The following CSMD1 variants were observed in gnomAD, a reference collection of about 807,000 sequenced individuals.
CSMD1 encodes the protein CUB and Sushi multiple domains 1.
Under a neutral mutation model 417.5 loss-of-function variants are expected in CSMD1, and 213 were observed. That is an observed-to-expected ratio of 0.51 (90% CI 0.46 to 0.57). The LOEUF (loss-of-function observed/expected upper bound fraction) is 0.57. Ranked by LOEUF, CSMD1 falls within the 20% of genes least tolerant of loss-of-function variation. The probability of loss-of-function intolerance (pLI) is 0.00; values close to 1 mark genes in which losing one functional copy is unlikely to be tolerated. For missense variants in CSMD1, 6,923 were observed against 4,529.7 expected (o/e 1.53, Z -15.17); for synonymous variants, 2,862 against 1,736.8 (o/e 1.65, Z -16.11).
At chr8:4,315,103 G>A (rs10112765) in intron 3 of CSMD1, among the ~76,000 whole-genome samples, 41,179 of 151,926 alleles carry the variant, frequency 0.27, 6,530 homozygotes, top group African/African-American at 0.45. Flanking sequence ...AAGAGGACAG[G>A]GCTTCTTACA....
Position 4,276,541 on chromosome 8 carries a change from C to T in CSMD1, c.415+143412G>A, listed in dbSNP as rs138315145. ...AACCACCATGGCACATGTTTAACTA[C>T]GTAACAAACCTGCACGTTCTGCACA... On this transcript the variant is annotated intron_variant, in intron 3 of 69. Coordinates refer to ENST00000635120, the MANE Select transcript of CSMD1 (RefSeq NM_033225.6). Among the ~76,000 whole-genome samples the T allele has an allele frequency of 9.1e-3, 1,383 of 152,048 alleles. 21 individuals are homozygous for T. Among genetic ancestry groups the T allele is most frequent in the African/African-American group, 0.031 (1,300 of 41,458 alleles).
chr8:4,004,884 A>G (rs1400372303), intron 4 of CSMD1, among the ~76,000 whole-genome samples: 1 of 152,058 alleles, frequency 6.6e-6, no homozygotes, highest in Non-Finnish European at 1.5e-5. Context: ...AGCTGGGACT[A>G]CAGGCGCCCG....
At chr8:4,042,815 TA>T (rs60411612) in intron 3 of CSMD1, among the ~76,000 whole-genome samples, 477 of 41,260 alleles carry the variant, frequency 0.012, 4 homozygotes, top group African/African-American at 0.032. Flanking sequence ...TACAACATAT[TA>T]AAAAAAAAAA....
chr8:4,646,890 T>C (rs1420422752), intron 1 of CSMD1, among the ~76,000 whole-genome samples: 1 of 152,170 alleles, frequency 6.6e-6, no homozygotes, highest in Non-Finnish European at 1.5e-5. Flanking sequence ...CATGACAAAT[T>C]ATGAGCAGAT....
intron 3 of CSMD1, among the ~76,000 whole-genome samples, chr8:4,309,236 C>G (rs998067695): frequency 2.0e-5 from 3 of 151,904 alleles, no homozygotes; most frequent in African/African-American, 7.3e-5. Context: ...AGTGCAAGAC[C>G]CATAATTTTA....
chr8:4,141,618 C>G (rs1388336361), intron 3 of CSMD1, among the ~76,000 whole-genome samples: 1 of 150,440 alleles, frequency 6.6e-6, no homozygotes. Flanking sequence ...GATTCCTCCA[C>G]TATATTTTCA....
chr8:4,773,029 G>A (rs927390720), intron 1 of CSMD1, among the ~76,000 whole-genome samples: 11 of 152,118 alleles, frequency 7.2e-5, no homozygotes, highest in African/African-American at 2.4e-4. Context: ...TGCTCATACA[G>A]GTTGAATATC....
intron 3 of CSMD1, among the ~76,000 whole-genome samples, chr8:4,213,210 G>T: frequency 6.6e-6 from 1 of 152,118 alleles, no homozygotes; most frequent in East Asian, 1.9e-4. Context: ...TTTCACTAAT[G>T]GGTACTTGTT....
rs1024745284 is a variant in CSMD1, at chr8:4,267,271, T to C, written c.415+152682A>G. On this transcript the variant is annotated intron_variant, in intron 3 of 69. Transcript: ENST00000635120. ...AAGTTGCTACTTAGAAAATATATCA[T>C]GTTTTAATATGTATTAGCTATAACC... is the stretch of plus-strand genomic sequence containing the variant. Among the ~76,000 whole-genome samples, 11 of 103,580 alleles carry C rather than the reference T, an allele frequency of 1.1e-4. 2 individuals are homozygous for C. Among genetic ancestry groups the C allele is most frequent in the African/African-American group, 2.9e-4 (11 of 38,312 alleles). The allele number at this position is 103,580 out of a possible 152,430, so 68.0% of individuals were successfully genotyped here.
intron 15 of CSMD1, among the ~76,000 whole-genome samples, chr8:3,400,720 T>C (rs928997206): frequency 7.2e-5 from 11 of 151,868 alleles, no homozygotes; most frequent in African/African-American, 2.7e-4. Flanking sequence ...AGAAAAATTT[T>C]ATTCAGTGAA....
intron 25 of CSMD1, among the ~76,000 whole-genome samples, chr8:3,295,178 G>A (rs11774703): frequency 0.49 from 75,128 of 151,804 alleles, 20,894 homozygotes; most frequent in South Asian, 0.63. Flanking sequence ...AGGTTGGAGT[G>A]CAGTGGTGTG....
chr8:3,961,992 T>A (rs1260423661), intron 5 of CSMD1, among the ~76,000 whole-genome samples: 3 of 152,180 alleles, frequency 2.0e-5, no homozygotes, highest in African/African-American at 7.2e-5. Flanking sequence ...ATCACAAAGT[T>A]GCACAAAGAC....
At chr8:4,155,381 G>A (rs928417536) in intron 3 of CSMD1, among the ~76,000 whole-genome samples, 3 of 152,184 alleles carry the variant, frequency 2.0e-5, no homozygotes, top group Admixed American at 6.5e-5. Context: ...ATGCTCTGCT[G>A]TAGATCACAT....
At chr8:4,192,164 T>A (rs1281888971) in intron 3 of CSMD1, among the ~76,000 whole-genome samples, 1 of 152,158 alleles carries the variant, frequency 6.6e-6, no homozygotes, top group African/African-American at 2.4e-5. Flanking sequence ...CCAATAGGCA[T>A]GTTATAAAGG....
At chr8:4,165,161 A>C (rs1403679850) in intron 3 of CSMD1, among the ~76,000 whole-genome samples, 1 of 152,276 alleles carries the variant, frequency 6.6e-6, no homozygotes, top group Middle Eastern at 3.4e-3. Context: ...CCACTGCTTA[A>C]TATGATACCT....
intron 3 of CSMD1, among the ~76,000 whole-genome samples, chr8:4,051,140 A>G (rs554615457): frequency 4.6e-5 from 7 of 152,078 alleles, no homozygotes; most frequent in Non-Finnish European, 8.8e-5. Context: ...AAGAAAAGAA[A>G]AAAGACCAGG....
chr8:3,149,809 T>G (rs1312195009), intron 40 of CSMD1, among the ~76,000 whole-genome samples: 1 of 152,216 alleles, frequency 6.6e-6, no homozygotes, highest in Non-Finnish European at 1.5e-5. Context: ...AGGAGGAAAC[T>G]GGAGCCCCTG....
chr8:3,926,979 G>T (rs181088620), intron 5 of CSMD1, among the ~76,000 whole-genome samples: 38 of 151,892 alleles, frequency 2.5e-4, no homozygotes, highest in Non-Finnish European at 4.9e-4. Flanking sequence ...CTCCCAAAGT[G>T]CTAGGATTAC....
intron 40 of CSMD1, among the ~76,000 whole-genome samples, chr8:3,147,771 A>C (rs1279378054): frequency 6.6e-6 from 1 of 152,214 alleles, no homozygotes; most frequent in East Asian, 1.9e-4. Flanking sequence ...TGATACTTCA[A>C]AGGAAATATT....
Sources: gnomAD v4.1 joint callset for allele counts (sites outside exome capture counted in the v4.1 genomes callset) on GRCh38, gnomAD v4.1.1 for gene constraint, MANE v1.5 for transcripts, NCBI Gene and HGNC (gene_info 2026-07-23, HGNC 2026-07-21) for gene names.